CSMD1: variants seen among roughly 807,000 people sequenced by gnomAD.
The protein encoded by CSMD1 is CUB and sushi domain-containing protein 1.
In CSMD1, 213 loss-of-function variants were observed where a neutral mutation model predicts 417.5. The observed-to-expected ratio is 0.51, with a 90% CI of 0.46 to 0.57. The LOEUF is 0.57. Among genes scored for constraint, CSMD1 ranks in the 20% least tolerant of loss-of-function variants. CSMD1 has a pLI of 0.00. For missense variants in CSMD1, 6,923 were observed against 4,529.7 expected (o/e 1.53, Z -15.17); for synonymous variants, 2,862 against 1,736.8 (o/e 1.65, Z -16.11).
In CSMD1 at chr8:4,296,619, G is replaced by T. The variant is rs1214548004; in HGVS notation, c.415+123334C>A. On this transcript the variant is annotated intron_variant, in intron 3 of 69. Transcript: ENST00000635120. ...TTTACTTCATATTTTATAATAGTTT[G>T]TTATTTAGTTAATATTCACTATTAA... Among the ~76,000 whole-genome samples, 162 of 150,924 alleles carry T rather than the reference G, an allele frequency of 1.1e-3. 1 individual carries two copies. Among genetic ancestry groups the T allele is most frequent in the African/African-American group, 3.7e-3 (153 of 40,986 alleles).
At chr8:3,751,477 A>T (rs1797340488) in intron 6 of CSMD1, among the ~76,000 whole-genome samples, 1 of 148,408 alleles carries the variant, frequency 6.7e-6, no homozygotes, top group African/African-American at 2.4e-5. Flanking sequence ...ATAATTAAGC[A>T]TATATTATAG....
chr8:4,019,312 T>C (rs985164298), intron 4 of CSMD1, among the ~76,000 whole-genome samples: 1 of 152,168 alleles, frequency 6.6e-6, no homozygotes, highest in Non-Finnish European at 1.5e-5. Flanking sequence ...GCTTGGAATG[T>C]TTCTGTGTCT....
chr8:3,988,136 T>C (rs964167600), intron 5 of CSMD1, among the ~76,000 whole-genome samples: 3 of 152,182 alleles, frequency 2.0e-5, no homozygotes, highest in Non-Finnish European at 4.4e-5. Context: ...TTCATAGTCA[T>C]CTGCTGGGCA....
intron 25 of CSMD1, among the ~76,000 whole-genome samples, chr8:3,303,040 C>G (rs910230937): frequency 1.3e-5 from 2 of 152,200 alleles, no homozygotes; most frequent in Admixed American, 6.5e-5. Flanking sequence ...ACTTCTATAA[C>G]TCTTTTACTT....
At chr8:4,551,517 C>T (rs1315979135) in intron 2 of CSMD1, among the ~76,000 whole-genome samples, 1 of 152,156 alleles carries the variant, frequency 6.6e-6, no homozygotes, top group Admixed American at 6.5e-5. Flanking sequence ...TTGAATGCTA[C>T]CTGCCCAACC....
intron 3 of CSMD1, among the ~76,000 whole-genome samples, chr8:4,342,704 G>T (rs541143245): frequency 1.2e-4 from 18 of 152,184 alleles, no homozygotes; most frequent in African/African-American, 4.3e-4. Flanking sequence ...ATGATTCCCA[G>T]GAGGTTAGCA....
chr8:4,450,379 G>T (rs1585096088), intron 2 of CSMD1, among the ~76,000 whole-genome samples: 1 of 152,110 alleles, frequency 6.6e-6, no homozygotes, highest in Non-Finnish European at 1.5e-5. Flanking sequence ...TGTAATCCCA[G>T]CACTTTGGAA....
rs1798920630 is a variant in CSMD1 at position 4,448,061 on chromosome 8, T to C, written c.303-27996A>G. 2.0e-5 allele frequency among the ~76,000 whole-genome samples: 3 copies of C among 152,220 alleles called. 1 individual carries two copies. The South Asian group carries it at 6.2e-4, about 31-fold the overall frequency. The stretch of plus-strand genomic sequence containing the variant: ...ATGAGGTTTCCTGGAATATCACCCC[T>C]AAGCTTAGCTGTCCAGTGGAAATTC... On this transcript the variant is annotated intron_variant, in intron 2 of 69. Coordinates refer to ENST00000635120, the MANE Select transcript of CSMD1 (RefSeq NM_033225.6).
intron 1 of CSMD1, among the ~76,000 whole-genome samples, chr8:4,645,404 G>A (rs536441499): frequency 4.6e-4 from 43 of 94,086 alleles, no homozygotes; most frequent in African/African-American, 1.8e-3. Context: ...TACCCACTCT[G>A]AAAAGACAAA....
chr8:3,240,414 C>G (rs369863564), intron 26 of CSMD1, among the ~76,000 whole-genome samples: 1 of 111,576 alleles, frequency 9.0e-6, no homozygotes, highest in Non-Finnish European at 2.0e-5. Flanking sequence ...CCAACCATGC[C>G]TAGGAAGGAA....
chr8:3,369,162 A>G, intron 19 of CSMD1, 92 bp downstream of exon 19: 1 of 627,016 alleles, frequency 1.6e-6, no homozygotes, highest in Non-Finnish European at 2.9e-6. Flanking sequence ...TAGTTATCTC[A>G]CTTGTTTACA....
At chr8:3,301,296 G>C (rs551129627) in intron 25 of CSMD1, among the ~76,000 whole-genome samples, 1 of 152,110 alleles carries the variant, frequency 6.6e-6, no homozygotes, top group South Asian at 2.1e-4. Context: ...TCTACCCAGC[G>C]AAGGAACCAG....
At chr8:4,016,194 G>C (rs945208928) in intron 4 of CSMD1, among the ~76,000 whole-genome samples, 1 of 152,096 alleles carries the variant, frequency 6.6e-6, no homozygotes. Context: ...TTGCCAGAGA[G>C]GTTTAGTCTA....
chr8:3,718,034 G>T (rs1166672470), intron 6 of CSMD1, among the ~76,000 whole-genome samples: 1 of 152,178 alleles, frequency 6.6e-6, no homozygotes, highest in Non-Finnish European at 1.5e-5. Context: ...TGCCCACATT[G>T]TTTTAGTACA....
At chr8:3,111,030 T>C (rs1056377542) in intron 42 of CSMD1, among the ~76,000 whole-genome samples, 14 of 152,304 alleles carry the variant, frequency 9.2e-5, no homozygotes, top group African/African-American at 3.4e-4. Context: ...TGAAATATAG[T>C]CTTTAATTTA....
intron 23 of CSMD1, among the ~76,000 whole-genome samples, chr8:3,338,478 C>T (rs1353827890): frequency 6.6e-6 from 1 of 152,132 alleles, no homozygotes; most frequent in African/African-American, 2.4e-5. Context: ...TTCAGGATCC[C>T]CCAAAAATGA....
At chr8:3,452,861 T>G (rs57059601) in intron 12 of CSMD1, among the ~76,000 whole-genome samples, 4 of 152,358 alleles carry the variant, frequency 2.6e-5, no homozygotes, top group Admixed American at 2.6e-4. Flanking sequence ...TCCCTCTTTT[T>G]CTATTGATTG....
intron 5 of CSMD1, among the ~76,000 whole-genome samples, chr8:3,917,757 T>A (rs1328915442): frequency 4.6e-5 from 7 of 152,166 alleles, no homozygotes; most frequent in Non-Finnish European, 1.5e-5. Flanking sequence ...CAGACAAATC[T>A]ACCACCTGCC....
intron 1 of CSMD1, among the ~76,000 whole-genome samples, chr8:4,911,426 G>A (rs537502392): frequency 6.6e-6 from 1 of 152,176 alleles, no homozygotes; most frequent in African/African-American, 2.4e-5. Flanking sequence ...CTCTGACACA[G>A]CATATTTTTC....
Sources: allele counts gnomAD v4.1 joint callset (sites outside exome capture counted in the v4.1 genomes callset), GRCh38; gene constraint gnomAD v4.1.1; transcripts MANE v1.5; gene names NCBI Gene and HGNC (gene_info 2026-07-23, HGNC 2026-07-21).